The following STK3 variants were observed in gnomAD, a reference collection of about 807,000 sequenced individuals.
The protein encoded by STK3 is serine/threonine kinase 3.
A neutral mutation model predicts 58.0 loss-of-function variants in STK3; 41 were observed. That is an observed-to-expected ratio of 0.71 (90% CI 0.55 to 0.92). STK3 has a LOEUF of 0.92. Among genes scored for constraint, STK3 ranks in the 40% least tolerant of loss-of-function variants. STK3 has a pLI of 0.00. For missense variants in STK3, 479 were observed against 602.7 expected (o/e 0.79, Z 2.15); for synonymous variants, 170 against 191.0 (o/e 0.89, Z 0.91).
chr8:98,409,966 T>A (rs1818036543), intron 3 of STK3, among the ~76,000 whole-genome samples: 1 of 152,188 alleles, frequency 6.6e-6, no homozygotes, highest in African/African-American at 2.4e-5. Context: ...AACAATCAAG[T>A]TTTGTTTAGG....
At chr8:98,722,150 T>A (rs1827476643) in intron 4 of STK3, among the ~76,000 whole-genome samples, 1 of 152,034 alleles carries the variant, frequency 6.6e-6, no homozygotes. Context: ...ATAGAGTAAC[T>A]CAAATAATGA....
At chr8:98,349,499 GC>G in the STK3 span, among the ~76,000 whole-genome samples, 2 of 152,284 alleles carry the variant, frequency 1.3e-5, no homozygotes, top group East Asian at 1.9e-4. Context: ...GAGGATGGTG[GC>G]CCTCTTCTCC....
At chr8:98,344,754 G>C in the STK3 span, among the ~76,000 whole-genome samples, 1 of 150,444 alleles carries the variant, frequency 6.6e-6, no homozygotes, top group Non-Finnish European at 1.5e-5. Flanking sequence ...TTAGCCGGGC[G>C]TAGTGGCGGG....
At chr8:98,876,772 C>T (rs1372495029) in intron 3 of STK3, among the ~76,000 whole-genome samples, 1 of 152,250 alleles carries the variant, frequency 6.6e-6, no homozygotes, top group African/African-American at 2.4e-5. Flanking sequence ...AAGCCTCAGT[C>T]TCTCTGTTTC....
chr8:98,883,856 C>T, intron 1 of STK3: 3 of 618,898 alleles, frequency 4.8e-6, no homozygotes, highest in Non-Finnish European at 5.9e-6. Flanking sequence ...AAAAGATTCA[C>T]TCCTTAGTTC....
chr8:98,585,962 G>C (rs1006322885), intron 7 of STK3, among the ~76,000 whole-genome samples: 2 of 152,126 alleles, frequency 1.3e-5, no homozygotes, highest in Admixed American at 6.6e-5. Context: ...CTGAAACTTT[G>C]CTGAAGTTGC....
rs190836265 is a variant in STK3 at position 98,731,450 on chromosome 8, T to C, written c.351+17826A>G. 3.1e-3 allele frequency among the ~76,000 whole-genome samples: 476 copies of C among 152,284 alleles called. 1 individual carries two copies. The highest frequency in any genetic ancestry group is 0.01 in the African/African-American group (422 of 41,576). ...AAGAAATTCAGGGGGCCGGGCGCAG[T>C]GGCTCACGCCTGCAATCCTAGCACT... On this transcript the variant is annotated intron_variant, in intron 4 of 10. Transcript: ENST00000419617.
intron 1 of STK3, among the ~76,000 whole-genome samples, chr8:98,781,571 A>G (rs151327587): frequency 6.6e-6 from 1 of 152,352 alleles, no homozygotes; most frequent in East Asian, 1.9e-4. Flanking sequence ...TACAAAGGTC[A>G]TTCAGAAAAG....
intron 6 of STK3, among the ~76,000 whole-genome samples, chr8:98,654,559 T>C (rs571525991): frequency 4.7e-4 from 72 of 152,306 alleles, no homozygotes; most frequent in Non-Finnish European, 8.1e-4. Flanking sequence ...TGTTTGCAGA[T>C]GACATGATTG....
intron 8 of STK3, among the ~76,000 whole-genome samples, chr8:98,577,586 T>C (rs1344940481): frequency 6.6e-6 from 1 of 152,176 alleles, no homozygotes; most frequent in East Asian, 1.9e-4. Flanking sequence ...AGGTCCTCTT[T>C]GTTCTCTCTC....
At chr8:98,554,450 T>A (rs73275859) in intron 8 of STK3, among the ~76,000 whole-genome samples, 2,712 of 152,206 alleles carry the variant, frequency 0.018, 76 homozygotes, top group African/African-American at 0.062. Flanking sequence ...ATATTCTACA[T>A]TAGAGTTGAA....
chr8:98,470,410 T>A (rs1820831514), intron 10 of STK3, among the ~76,000 whole-genome samples: 1 of 152,230 alleles, frequency 6.6e-6, no homozygotes, highest in African/African-American at 2.4e-5. Flanking sequence ...ATTACCCCAG[T>A]TGTGAGAGAC....
At chr8:98,493,067 A>C (rs1350605162) in intron 10 of STK3, among the ~76,000 whole-genome samples, 1 of 139,314 alleles carries the variant, frequency 7.2e-6, no homozygotes, top group African/African-American at 2.6e-5. Context: ...CCAACTCTAC[A>C]TTTTTTTTTT....
intron 3 of STK3, among the ~76,000 whole-genome samples, chr8:98,755,527 T>C (rs770607633): frequency 6.6e-6 from 1 of 152,186 alleles, no homozygotes; most frequent in Non-Finnish European, 1.5e-5. Flanking sequence ...CACTGGAGTA[T>C]GTGAAAAACC....
intron 1 of STK3, among the ~76,000 whole-genome samples, chr8:98,923,852 T>TGCGC (rs1491328554): frequency 3.0e-4 from 38 of 128,304 alleles, no homozygotes; most frequent in African/African-American, 5.0e-4. Context: ...TGTGTGTGTG[T>TGCGC]GTGCGCGCGC....
intron 1 of STK3, among the ~76,000 whole-genome samples, chr8:98,385,029 G>T (rs958509093): frequency 1.3e-5 from 2 of 152,132 alleles, no homozygotes; most frequent in African/African-American, 4.8e-5. Flanking sequence ...TTCAAGGGAG[G>T]GTTGTTAAAG....
intron 3 of STK3, among the ~76,000 whole-genome samples, chr8:98,422,723 T>A (rs1818187900): frequency 1.3e-5 from 2 of 152,270 alleles, no homozygotes; most frequent in South Asian, 4.1e-4. Context: ...TGGGTGGGTG[T>A]CTGCCAAACC....
chr8:98,700,138 C>T (rs566988874), intron 6 of STK3, among the ~76,000 whole-genome samples: 8 of 152,304 alleles, frequency 5.3e-5, no homozygotes, highest in East Asian at 1.9e-4. Context: ...TAGCAATCAG[C>T]GAGACTCCGT....
intron 10 of STK3, among the ~76,000 whole-genome samples, chr8:98,469,404 C>A (rs1820748510): frequency 6.6e-6 from 1 of 152,188 alleles, no homozygotes; most frequent in Non-Finnish European, 1.5e-5. Context: ...TCCTGCAAGT[C>A]TTCAGCGCTG....
Sources: allele counts gnomAD v4.1 joint callset (sites outside exome capture counted in the v4.1 genomes callset), GRCh38; gene constraint gnomAD v4.1.1; transcripts MANE v1.5; gene names NCBI Gene and HGNC (gene_info 2026-07-23, HGNC 2026-07-21).